The following HS3ST2 variants were observed in gnomAD, a reference collection of about 807,000 sequenced individuals.
The protein encoded by HS3ST2 is heparan sulfate-glucosamine 3-sulfotransferase 2.
HS3ST2 carries 17 observed loss-of-function variants against 26.3 expected under a neutral mutation model. That is an observed-to-expected ratio of 0.65 (90% CI 0.44 to 0.97). HS3ST2 has a LOEUF of 0.97. Ranked by LOEUF, HS3ST2 falls within the 50% of genes least tolerant of loss-of-function variation. The pLI, the probability that HS3ST2 is intolerant of heterozygous loss-of-function variation, is 0.00. For missense variants in HS3ST2, 402 were observed against 501.2 expected, an observed-to-expected ratio of 0.80 and a Z score of 1.89; for synonymous variants, 237 against 219.2, an observed-to-expected ratio of 1.08 and a Z score of -0.72.
Position 22,818,832 on chromosome 16 carries a change from TCCCTCCTTCCTTCCTC to T in HS3ST2, c.485+3740_485+3755del, listed in dbSNP as rs1900926359. Among the ~76,000 whole-genome samples the T allele has an allele frequency of 9.4e-5, 2 of 21,282 alleles. 1 individual carries two copies. The highest frequency in any genetic ancestry group is 1.7e-4 in the Non-Finnish European group (2 of 11,532). The allele number at this position is 21,282 out of a possible 152,430, so 14.0% of individuals were successfully genotyped here. On this transcript the variant is annotated intron_variant, in intron 1 of 1. Coordinates refer to ENST00000261374, the MANE Select transcript of HS3ST2 (RefSeq NM_006043.2). Reference sequence around the variant, plus strand: ...TTCCTTCCTTCCTTCCTTCCTTCCTTCCCTCCTTCCTTCCTCCCTCCCTCCCTCCCTCCCTTCCTTC... The same window carrying T: ...TTCCTTCCTTCCTTCCTTCCTTCCTTCCTCCCTCCCTCCCTCCCTTCCTTC...
At chr16:22,885,038 G>A (rs1232440785) in intron 1 of HS3ST2, among the ~76,000 whole-genome samples, 3 of 151,468 alleles carry the variant, frequency 2.0e-5, no homozygotes, top group African/African-American at 7.3e-5. Flanking sequence ...ATAGGGTTTC[G>A]CCATGTTAGC....
chr16:22,907,314 C>T (rs1440658107), intron 1 of HS3ST2, among the ~76,000 whole-genome samples: 1 of 152,128 alleles, frequency 6.6e-6, no homozygotes, highest in Non-Finnish European at 1.5e-5. Flanking sequence ...AGACCTTATT[C>T]AAAAGAATCA....
chr16:22,879,726 G>C (rs893075980), intron 1 of HS3ST2, among the ~76,000 whole-genome samples: 1 of 152,152 alleles, frequency 6.6e-6, no homozygotes, highest in Admixed American at 6.5e-5. Context: ...AGCCTCTCTG[G>C]GGGCCGCTGG....
At chr16:22,822,253 C>T (rs190128316) in intron 1 of HS3ST2, among the ~76,000 whole-genome samples, 65 of 152,224 alleles carry the variant, frequency 4.3e-4, no homozygotes, top group Non-Finnish European at 4.4e-5. Context: ...GCAGTCTCAA[C>T]CTCCCAGGCT....
chr16:22,887,397 C>T (rs1037168021), intron 1 of HS3ST2, among the ~76,000 whole-genome samples: 12 of 152,218 alleles, frequency 7.9e-5, no homozygotes, highest in Non-Finnish European at 1.0e-4. Context: ...TGTGTCCTCA[C>T]ATGGCAGAAG....
intron 1 of HS3ST2, among the ~76,000 whole-genome samples, chr16:22,832,802 C>T (rs549555553): frequency 6.6e-6 from 1 of 151,436 alleles, no homozygotes; most frequent in Non-Finnish European, 1.5e-5. Context: ...TTTCCCCAAA[C>T]AAGACAGTTC....
At chr16:22,846,488 A>G (rs1389888173) in intron 1 of HS3ST2, among the ~76,000 whole-genome samples, 2 of 152,116 alleles carry the variant, frequency 1.3e-5, no homozygotes, top group Middle Eastern at 3.2e-3. Flanking sequence ...TGTGTTTCAT[A>G]TCACCTATGG....
intron 1 of HS3ST2, among the ~76,000 whole-genome samples, chr16:22,852,823 A>C (rs1044520452): frequency 7.2e-5 from 11 of 152,188 alleles, no homozygotes; most frequent in Non-Finnish European, 1.6e-4. Context: ...TTCATTCTGT[A>C]CTTTTCCAGA....
chr16:22,895,753 G>C (rs1014551909), intron 1 of HS3ST2, among the ~76,000 whole-genome samples: 1 of 151,686 alleles, frequency 6.6e-6, no homozygotes, highest in African/African-American at 2.4e-5. Context: ...TTGTTATATG[G>C]CCACACAATT....
chr16:22,871,443 G>T (rs1901837416), intron 1 of HS3ST2, among the ~76,000 whole-genome samples: 2 of 152,020 alleles, frequency 1.3e-5, no homozygotes, highest in Non-Finnish European at 2.9e-5. Flanking sequence ...GCATATTTAA[G>T]GTCAGCTTGG....
intron 1 of HS3ST2, among the ~76,000 whole-genome samples, chr16:22,913,106 A>AG (rs1208354997): frequency 2.0e-5 from 3 of 146,838 alleles, no homozygotes; most frequent in African/African-American, 7.7e-5. Context: ...AAAAAGAAAG[A>AG]AAGAAAGAGA....
chr16:22,832,831 C>T (rs187184898), intron 1 of HS3ST2, among the ~76,000 whole-genome samples: 3 of 151,696 alleles, frequency 2.0e-5, no homozygotes, highest in Non-Finnish European at 2.9e-5. Flanking sequence ...CTGACAGCAC[C>T]GATGACCTCC....
At chr16:22,831,593 A>AT (rs11383417) in intron 1 of HS3ST2, among the ~76,000 whole-genome samples, 43,800 of 148,314 alleles carry the variant, frequency 0.3, 7,204 homozygotes, top group African/African-American at 0.46. Flanking sequence ...GGGCTAACCC[A>AT]TTTTTTTTTT....
rs149153933 is a variant in HS3ST2 at position 22,824,213 on chromosome 16, A to C, written c.485+9118A>C. On this transcript the variant is annotated intron_variant, in intron 1 of 1. Transcript: ENST00000261374. ...CTTTTGTAAAATCTCAGGATGCAAA[A>C]TACCTTTTCTTCCATTCTGGAAAAC... is the stretch of plus-strand genomic sequence containing the variant. Among the ~76,000 whole-genome samples the C allele has an allele frequency of 2.1e-3, 314 of 152,334 alleles. 4 individuals are homozygous for C. Among genetic ancestry groups the C allele is most frequent in the African/African-American group, 7.3e-3 (303 of 41,568 alleles).
intron 1 of HS3ST2, among the ~76,000 whole-genome samples, chr16:22,865,094 A>G (rs972493716): frequency 1.3e-5 from 2 of 151,046 alleles, no homozygotes; most frequent in Admixed American, 1.3e-4. Context: ...AAACCCTCAT[A>G]TGCACAATAT....
intron 1 of HS3ST2, among the ~76,000 whole-genome samples, chr16:22,903,844 G>A (rs1902313831): frequency 1.3e-5 from 2 of 152,268 alleles, no homozygotes; most frequent in African/African-American, 2.4e-5. Context: ...CAATAGAAGA[G>A]GCAGAAGGAC....
intron 1 of HS3ST2, among the ~76,000 whole-genome samples, chr16:22,843,733 C>T (rs1156974416): frequency 6.6e-6 from 1 of 152,158 alleles, no homozygotes; most frequent in Non-Finnish European, 1.5e-5. Context: ...GTTTAGCTCT[C>T]TGGAAACTCC....
chr16:22,914,983 G>A lies in HS3ST2; in HGVS notation c.525G>A (p.Leu175=). The change falls in exon 2 of 2, where the codon CTG becomes CTA. Residue 175 remains leucine, a synonymous_variant. Coordinates refer to ENST00000261374, the MANE Select transcript of HS3ST2 (RefSeq NM_006043.2). ...GGACCCTCGAGAGCCAGATCACGCT[G>A]GAGAAGACGCCCAGCTACTTTGTCA... ...MPRTLESQIT[L]EKTPSYFVTQ... is the part of the protein sequence containing the mutation. 1 of 1,613,740 alleles carries A rather than the reference G, an allele frequency of 6.2e-7. No individual in the cohort carries two copies. The highest frequency in any genetic ancestry group is 8.5e-7 in the Non-Finnish European group (1 of 1,179,962).
intron 1 of HS3ST2, among the ~76,000 whole-genome samples, chr16:22,912,049 G>C (rs1902429969): frequency 6.6e-6 from 1 of 152,102 alleles, no homozygotes; most frequent in Non-Finnish European, 1.5e-5. Flanking sequence ...CCTAAGCCAG[G>C]GGAGTTTGAG....
Sources: gnomAD v4.1 joint callset for allele counts (sites outside exome capture counted in the v4.1 genomes callset) on GRCh38, gnomAD v4.1.1 for gene constraint, MANE v1.5 for transcripts, NCBI Gene and HGNC (gene_info 2026-07-23, HGNC 2026-07-21) for gene names.